Variants in ITPKB observed in about 807,000 individuals in gnomAD.
ITPKB encodes inositol-trisphosphate 3-kinase B.
Under a neutral mutation model 69.4 loss-of-function variants are expected in ITPKB, and 13 were observed. That is an observed-to-expected ratio of 0.19 (90% CI 0.12 to 0.30). The LOEUF is 0.30. ITPKB is among the 10% of genes least tolerant of loss of function. ITPKB has a pLI of 1.00. For missense variants in ITPKB, 1,240 were observed against 1,250.5 expected (o/e 0.99, Z 0.13); for synonymous variants, 584 against 513.7 (o/e 1.14, Z -1.85).
intron 2 of ITPKB, among the ~76,000 whole-genome samples, chr1:226,715,259 A>T (rs1052149960): frequency 6.6e-6 from 1 of 152,232 alleles, no homozygotes; most frequent in Non-Finnish European, 1.5e-5. Context: ...TGTGAACTCC[A>T]TGGGTAAAGC....
intron 2 of ITPKB, among the ~76,000 whole-genome samples, chr1:226,689,606 T>TGC (rs1275122678): frequency 6.6e-6 from 1 of 151,122 alleles, no homozygotes; most frequent in East Asian, 1.9e-4. Context: ...TGTGTGTGTG[T>TGC]GTGTGTGCAT....
Position 226,637,653 on chromosome 1 carries a change from C to T in ITPKB, c.2625+26G>A. 6.3e-7 allele frequency: 1 copy of T among 1,581,998 alleles called. No homozygotes were observed. Among genetic ancestry groups the T allele is most frequent in the Non-Finnish European group, 8.7e-7 (1 of 1,151,110 alleles). ...CTGTTGGCACGCGCAGCATTCTGCT[C>T]AAGAGGGCAAAAGCCCAGTATCTAC... On this transcript the variant is annotated intron_variant, in intron 7 of 7. Coordinates refer to ENST00000429204, the MANE Select transcript of ITPKB (RefSeq NM_002221.4). This position sits in a 1 kb window ranked among gnomAD's most constrained non-coding sequence, Gnocchi z 4.3.
chr1:226,729,638 G>A (rs1657530995), intron 2 of ITPKB, among the ~76,000 whole-genome samples: 1 of 151,936 alleles, frequency 6.6e-6, no homozygotes, highest in Non-Finnish European at 1.5e-5. Flanking sequence ...GAGTGCAATG[G>A]TGCAATCTCG....
rs753779323 is a variant in ITPKB, at chr1:226,655,379, GCCC to G, written c.1933-6611_1933-6609del. Among the ~76,000 whole-genome samples, 81 of 152,310 alleles carry G rather than the reference GCCC, an allele frequency of 5.3e-4. No individual in the cohort carries two copies. In the South Asian group the frequency reaches 5.8e-3, roughly 11 times the overall value. ...GGCCCTGCCTCCTGGGGAGGAAATG[GCCC>G]CCGTTAGGAGACAGCAGGTGACCCC... is the stretch of plus-strand genomic sequence containing the variant. On this transcript the variant is annotated intron_variant, in intron 2 of 7. Coordinates refer to ENST00000429204, the MANE Select transcript of ITPKB (RefSeq NM_002221.4).
At chr1:226,649,575 G>A (rs1024124905) in intron 2 of ITPKB, among the ~76,000 whole-genome samples, 3 of 151,890 alleles carry the variant, frequency 2.0e-5, no homozygotes, top group Non-Finnish European at 4.4e-5. Context: ...GTGTGCATGA[G>A]TGTGTGCGTG....
chr1:226,669,551 T>C (rs1184991668), intron 2 of ITPKB, among the ~76,000 whole-genome samples: 1 of 152,216 alleles, frequency 6.6e-6, no homozygotes, highest in Non-Finnish European at 1.5e-5. Context: ...GCTAATGAAC[T>C]TGGACTACTG....
intron 2 of ITPKB, among the ~76,000 whole-genome samples, chr1:226,663,041 G>A (rs936966459): frequency 2.0e-5 from 3 of 152,178 alleles, no homozygotes; most frequent in African/African-American, 4.8e-5. Context: ...CACAGGAAAC[G>A]GGTTGCCAAA....
intron 2 of ITPKB, among the ~76,000 whole-genome samples, chr1:226,665,702 T>A (rs1251327974): frequency 6.6e-6 from 1 of 152,054 alleles, no homozygotes; most frequent in Non-Finnish European, 1.5e-5. Flanking sequence ...CGGTACCACC[T>A]CCCCACCCAG....
Position 226,736,412 on chromosome 1 carries a change from A to T in ITPKB, c.1047T>A (p.Phe349Leu). The change falls in exon 2 of 8, where the codon TTT (phenylalanine) becomes TTA (leucine). Residue 349 changes from phenylalanine (F) to leucine (L), a missense_variant. Phe to Leu is a conservative substitution (Grantham distance 22). Around this residue, in one of 2 missense-constraint regions of ITPKB, gnomAD observed 992 missense variants for 853.8 expected, o/e 1.16. Transcript: ENST00000429204. Reference protein sequence around the residue: ...PEALVERQGQFLGSETSPAPE... With the variant: ...PEALVERQGQLLGSETSPAPE... ...GGGCTGGGCTTGTCTCACTGCCCAG[A>T]AACTGCCCCTGCCTCTCCACCAGGG... 1 of 1,612,702 alleles carries T rather than the reference A, an allele frequency of 6.2e-7. No homozygotes were observed. The highest frequency in any genetic ancestry group is 8.5e-7 in the Non-Finnish European group (1 of 1,179,998).
chr1:226,735,959 A>C lies in ITPKB; in HGVS notation c.1500T>G (p.Gly500=), dbSNP rs771540265. The change falls in exon 2 of 8, where the codon GGT becomes GGG. Residue 500 remains glycine (G), a synonymous_variant. Coordinates refer to ENST00000429204, the MANE Select transcript of ITPKB (RefSeq NM_002221.4). ...EPQCPPGDRV[G]VQPGNSRVWQ... ...AAACCCTGGAGTTCCCAGGCTGCAC[A>C]CCCACCCTGTCCCCAGGAGGGCACT... 1.9e-6 allele frequency: 3 copies of C among 1,613,900 alleles called. No homozygotes were observed. The highest frequency in any genetic ancestry group is 1.1e-5 in the South Asian group (1 of 91,070).
chr1:226,677,377 G>A (rs1011524057), intron 2 of ITPKB, among the ~76,000 whole-genome samples: 1 of 152,196 alleles, frequency 6.6e-6, no homozygotes, highest in Non-Finnish European at 1.5e-5. Flanking sequence ...AAGGCAGGAA[G>A]AGGTGTGTGT....
In ITPKB at chr1:226,735,558, A is replaced by C. The variant is rs1287869681; in HGVS notation, c.1901T>G (p.Leu634Arg). The C allele has an allele frequency of 6.5e-7, 1 of 1,547,514 alleles. No individual in the cohort carries two copies. The highest frequency in any genetic ancestry group is 8.7e-7 in the Non-Finnish European group (1 of 1,146,370). Residue 634 changes from leucine to arginine, a missense_variant, in exon 2 of 8, where the codon CTG becomes CGG. By Grantham distance (102) the Leu-to-Arg change is moderately radical. This residue lies in a region of ITPKB where 992 missense variants were observed against 853.8 expected (regional missense o/e 1.16). Transcript: ENST00000429204. ...AGGTTTCTGCTGGTCCAGGGTATGC[A>C]GGAAGGCTGAGTTGGGGTCCAGGGT... ...ERTLDPNSAF[L>R]HTLDQQKPRV... is the part of the protein sequence containing the mutation.
intron 3 of ITPKB, 103 bp from the exon 4 acceptor site, chr1:226,647,483 TG>T: frequency 1.2e-6 from 1 of 814,302 alleles, no homozygotes; most frequent in Non-Finnish European, 2.0e-6. Context: ...TGGCTAAGCC[TG>T]GGGCTGAAGG....
chr1:226,662,836 C>T (rs1350776343), intron 2 of ITPKB, among the ~76,000 whole-genome samples: 1 of 152,212 alleles, frequency 6.6e-6, no homozygotes, highest in East Asian at 1.9e-4. Context: ...AATGCAGACT[C>T]GCAGAGAGAA....
rs1035714477 is a variant in ITPKB, at chr1:226,641,467, G to T, written c.2451+454C>A. ...AAATATTTTAAAATTTCCAAAAAAA[G>T]ATCGAAGAGCAAAGCAGAGAGAATG... On this transcript the variant is annotated intron_variant, in intron 5 of 7. Coordinates refer to ENST00000429204, the MANE Select transcript of ITPKB (RefSeq NM_002221.4). The surrounding 1 kb of genome is among the most constrained non-coding windows in gnomAD (Gnocchi z 4.6). 6.6e-6 allele frequency among the ~76,000 whole-genome samples: 1 copy of T among 152,198 alleles called. No homozygotes were observed. Among genetic ancestry groups the T allele is most frequent in the Non-Finnish European group, 1.5e-5 (1 of 68,032 alleles).
At chr1:226,673,758 A>G (rs560036987) in intron 2 of ITPKB, among the ~76,000 whole-genome samples, 2 of 152,346 alleles carry the variant, frequency 1.3e-5, no homozygotes, top group East Asian at 1.9e-4. Flanking sequence ...CGGCTTTATT[A>G]TCTATCTCCA....
intron 2 of ITPKB, among the ~76,000 whole-genome samples, chr1:226,717,908 C>T (rs1657133649): frequency 1.3e-5 from 2 of 152,224 alleles, no homozygotes; most frequent in South Asian, 4.1e-4. Flanking sequence ...TTTATAGCAC[C>T]TCTGTGGAAT....
At chr1:226,718,218 C>G (rs12046462) in intron 2 of ITPKB, among the ~76,000 whole-genome samples, 23,044 of 150,050 alleles carry the variant, frequency 0.15, 1,899 homozygotes, top group East Asian at 0.3. Flanking sequence ...CACTTGAAAC[C>G]AGGAGGCGGA....
intron 2 of ITPKB, among the ~76,000 whole-genome samples, chr1:226,734,534 CT>C (rs1657689319): frequency 6.6e-6 from 1 of 152,192 alleles, no homozygotes; most frequent in South Asian, 2.1e-4. Context: ...ACAACCACCC[CT>C]GGCACACTGA....
Sources: gnomAD v4.1 joint callset for allele counts (sites outside exome capture counted in the v4.1 genomes callset) on GRCh38, gnomAD v4.1.1 for gene constraint, gnomAD v4.1.1 regional missense constraint, Gnocchi (gnomAD v3.1) non-coding constraint, MANE v1.5 for transcripts, NCBI Gene and HGNC (gene_info 2026-07-23, HGNC 2026-07-21) for gene names.